PKP4: variants seen among roughly 807,000 people sequenced by gnomAD.
PKP4 encodes plakophilin 4, also known as plakophilin-4.
In PKP4, 90 loss-of-function variants were observed where a neutral mutation model predicts 145.1. The ratio of observed to expected loss-of-function variants is 0.62; its 90% CI spans 0.52 to 0.74. The LOEUF is 0.74. PKP4 is among the 30% of genes least tolerant of loss of function. The probability of loss-of-function intolerance (pLI) is 0.00; values close to 1 mark genes in which losing one functional copy is unlikely to be tolerated. For synonymous variants in PKP4, 563 were observed against 577.2 expected, an observed-to-expected ratio of 0.98 and a Z score of 0.35; for missense variants, 1,340 against 1,482.7, an observed-to-expected ratio of 0.90 and a Z score of 1.58.
At chr2:158,466,565 C>T (rs887271808) in intron 1 of PKP4, among the ~76,000 whole-genome samples, 2 of 151,452 alleles carry the variant, frequency 1.3e-5, no homozygotes, top group African/African-American at 4.9e-5. Flanking sequence ...ATTAGCCAGG[C>T]GTGGTGGCGG....
At chr2:158,601,466 G>T (rs2050221829) in intron 3 of PKP4, among the ~76,000 whole-genome samples, 1 of 152,148 alleles carries the variant, frequency 6.6e-6, no homozygotes, top group Non-Finnish European at 1.5e-5. Flanking sequence ...AGATTGAGGA[G>T]AAATTGAAAT....
At chr2:158,647,088 G>T (rs1031280795) in intron 11 of PKP4, among the ~76,000 whole-genome samples, 1 of 152,162 alleles carries the variant, frequency 6.6e-6, no homozygotes, top group African/African-American at 2.4e-5. Context: ...GGCTGAAGGT[G>T]CTGTGTGACC....
At chr2:158,647,245 G>A (rs2711068) in intron 11 of PKP4, among the ~76,000 whole-genome samples, 72,385 of 151,576 alleles carry the variant, frequency 0.48, 18,228 homozygotes, top group East Asian at 0.78. Flanking sequence ...TTGTAGGTAC[G>A]GTCCACACAT....
intron 1 of PKP4, among the ~76,000 whole-genome samples, chr2:158,490,302 C>T (rs755600960): frequency 1.3e-5 from 2 of 149,966 alleles, no homozygotes; most frequent in African/African-American, 4.9e-5. Flanking sequence ...ATCTTTCCTG[C>T]TAAGCTCTGG....
intron 4 of PKP4, among the ~76,000 whole-genome samples, chr2:158,618,531 T>C (rs1190112391): frequency 6.6e-6 from 1 of 152,208 alleles, no homozygotes; most frequent in Non-Finnish European, 1.5e-5. Flanking sequence ...GATACTAATT[T>C]CGTGAAGTTT....
At chr2:158,537,947 G>A (rs1228203980) in intron 2 of PKP4, among the ~76,000 whole-genome samples, 1 of 152,116 alleles carries the variant, frequency 6.6e-6, no homozygotes, top group Non-Finnish European at 1.5e-5. Context: ...AGTCTGGGAG[G>A]TCAAGGCTGC....
At position 158,582,896 on chromosome 2, in the gene PKP4, G is replaced by A. The variant is rs375556130; in HGVS notation, c.245+5513G>A. 1.4e-4 allele frequency among the ~76,000 whole-genome samples: 21 copies of A among 152,294 alleles called. 2 individuals are homozygous for A. The highest frequency in any genetic ancestry group is 1.2e-3 in the South Asian group (6 of 4,826). On this transcript the variant is annotated intron_variant, in intron 3 of 21. Coordinates refer to ENST00000389759, the MANE Select transcript of PKP4 (RefSeq NM_003628.6). The stretch of plus-strand genomic sequence containing the variant: ...GAATCAATTTTAGGTCCACTAAGCA[G>A]GCAGCCTACCATGACTATTTCTGTC...
chr2:158,625,490 T>G, intron 7 of PKP4, 63 bp downstream of exon 7: 1 of 1,339,314 alleles, frequency 7.5e-7, no homozygotes, highest in Non-Finnish European at 1.0e-6. Context: ...TAACTTAAGT[T>G]GAAACAAAGA....
At chr2:158,494,941 G>C (rs545433430) in intron 1 of PKP4, among the ~76,000 whole-genome samples, 2 of 152,036 alleles carry the variant, frequency 1.3e-5, no homozygotes, top group South Asian at 4.1e-4. Context: ...TGAGGTGGCC[G>C]GGCGCGGTGG....
At chr2:158,493,470 G>A (rs1225936507) in intron 1 of PKP4, among the ~76,000 whole-genome samples, 6 of 152,080 alleles carry the variant, frequency 3.9e-5, no homozygotes, top group South Asian at 2.1e-4. Flanking sequence ...CATTTTCCAT[G>A]TGGTTACCCT....
intron 2 of PKP4, among the ~76,000 whole-genome samples, chr2:158,571,006 C>A (rs748458167): frequency 6.9e-4 from 105 of 152,062 alleles, no homozygotes; most frequent in Non-Finnish European, 1.2e-3. Flanking sequence ...AGAGACCAGC[C>A]TTGGGTGAGA....
chr2:158,582,733 CT>C lies in PKP4; in HGVS notation c.245+5351del, dbSNP rs550522029. On this transcript the variant is annotated intron_variant, in intron 3 of 21. Coordinates refer to ENST00000389759, the MANE Select transcript of PKP4 (RefSeq NM_003628.6). ...CTTTCCAGTAAATTACAAAAACAAG[CT>C]CATAGGGCTCTTTCTTCCATTGTTA... Among the ~76,000 whole-genome samples the C allele has an allele frequency of 2.3e-3, 349 of 152,268 alleles. 1 individual carries two copies. Among genetic ancestry groups the C allele is most frequent in the Admixed American group, 6.2e-3 (95 of 15,292 alleles).
At chr2:158,553,940 A>T (rs2045848176) in intron 2 of PKP4, among the ~76,000 whole-genome samples, 1 of 152,134 alleles carries the variant, frequency 6.6e-6, no homozygotes, top group Non-Finnish European at 1.5e-5. Flanking sequence ...CTTCTAGTTG[A>T]TGCTGTAATG....
chr2:158,618,014 C>G (rs2051815001), intron 4 of PKP4, among the ~76,000 whole-genome samples: 1 of 152,094 alleles, frequency 6.6e-6, no homozygotes. Flanking sequence ...GAAACCCCAT[C>G]TTTACTAAAA....
chr2:158,664,122 A>G (rs1168735838), intron 15 of PKP4, among the ~76,000 whole-genome samples: 1 of 152,152 alleles, frequency 6.6e-6, no homozygotes, highest in African/African-American at 2.4e-5. Context: ...CTGCTCCCCC[A>G]CTTCCATGGC....
chr2:158,673,857 G>A, intron 18 of PKP4, 26 bp from the exon 19 acceptor site: 1 of 1,523,256 alleles, frequency 6.6e-7, no homozygotes, highest in Non-Finnish European at 9.1e-7. Flanking sequence ...CATTTTGAGA[G>A]GTTTCTTTTT....
intron 1 of PKP4, among the ~76,000 whole-genome samples, chr2:158,479,032 G>A (rs1463677869): frequency 6.6e-6 from 1 of 152,084 alleles, no homozygotes; most frequent in Non-Finnish European, 1.5e-5. Context: ...GGAGAGACTT[G>A]TTTCTATTCC....
chr2:158,668,922 G>A (rs935046675), intron 16 of PKP4, among the ~76,000 whole-genome samples: 8 of 152,208 alleles, frequency 5.3e-5, no homozygotes, highest in Non-Finnish European at 1.2e-4. Flanking sequence ...TCTTTTGTTT[G>A]TAGTGCACTT....
intron 1 of PKP4, among the ~76,000 whole-genome samples, chr2:158,487,946 G>A (rs1005602583): frequency 2.0e-5 from 3 of 152,158 alleles, no homozygotes; most frequent in South Asian, 4.1e-4. Context: ...ATGGAGATAT[G>A]CCTAAATCAT....
Sources: gnomAD v4.1 joint callset for allele counts (sites outside exome capture counted in the v4.1 genomes callset) on GRCh38, gnomAD v4.1.1 for gene constraint, MANE v1.5 for transcripts, NCBI Gene and HGNC (gene_info 2026-07-23, HGNC 2026-07-21) for gene names.